Variants in LAMA2 observed in about 807,000 individuals in gnomAD.
The protein encoded by LAMA2 is laminin subunit alpha 2, also known as laminin subunit alpha-2.
Under a neutral mutation model 364.8 loss-of-function variants are expected in LAMA2, and 269 were observed. The observed-to-expected ratio is 0.74, with a 90% CI of 0.67 to 0.82. The LOEUF (loss-of-function observed/expected upper bound fraction) is 0.82, where lower values mean the gene tolerates loss of function less well. Ranked by LOEUF, LAMA2 falls within the 40% of genes least tolerant of loss-of-function variation. The pLI, the probability that LAMA2 is intolerant of heterozygous loss-of-function variation, is 0.00. For synonymous variants in LAMA2, 1,379 were observed against 1,370.6 expected (o/e 1.01, Z -0.14); for missense variants, 3,807 against 3,873.2 (o/e 0.98, Z 0.45).
At chr6:129,171,291 A>G (rs1780134978) in intron 9 of LAMA2, among the ~76,000 whole-genome samples, 1 of 152,210 alleles carries the variant, frequency 6.6e-6, no homozygotes, top group South Asian at 2.1e-4. Context: ...ACAATTTGGC[A>G]TGCTTTTGCA....
At position 129,366,218 on chromosome 6, in the gene LAMA2, G is replaced by C; in HGVS notation, c.4718-1G>C. The C allele has an allele frequency of 6.2e-7, 1 of 1,613,516 alleles. No individual in the cohort carries two copies. The highest frequency in any genetic ancestry group is 8.5e-7 in the Non-Finnish European group (1 of 1,179,920). ...TACTCTTTGTCACTTCTCTTTCACA[G>C]TTTGTGGAGATGAGTGCACTGGCCT... On this transcript the variant is annotated splice_acceptor_variant, in intron 32 of 64. Coordinates refer to ENST00000421865, the MANE Select transcript of LAMA2 (RefSeq NM_000426.4). LOFTEE classifies it high-confidence loss of function.
chr6:129,154,814 A>T (rs1182176924), intron 8 of LAMA2, 131 bp downstream of exon 8: 1 of 758,702 alleles, frequency 1.3e-6, no homozygotes, highest in Non-Finnish European at 2.2e-6. Flanking sequence ...GTAAGTAGGA[A>T]CATTTCGTAG....
chr6:129,063,538 T>C (rs1428116113), intron 3 of LAMA2, among the ~76,000 whole-genome samples: 1 of 152,158 alleles, frequency 6.6e-6, no homozygotes, highest in East Asian at 1.9e-4. Flanking sequence ...AGTAGACTTT[T>C]CAAACACATA....
chr6:129,379,650 C>T (rs886944824), intron 34 of LAMA2, among the ~76,000 whole-genome samples: 1 of 152,132 alleles, frequency 6.6e-6, no homozygotes, highest in African/African-American at 2.4e-5. Context: ...ACCCCACCAG[C>T]GTGGAACTTC....
At position 129,393,214 on chromosome 6, in the gene LAMA2, C is replaced by T. The variant is rs761866721; in HGVS notation, c.5404C>T (p.Arg1802Cys). The T allele has an allele frequency of 1.4e-5, 22 of 1,613,898 alleles. No homozygotes were observed. The highest frequency in any genetic ancestry group is 1.3e-4 in the South Asian group (12 of 91,076). ...EATDKIREAN[R>C]LFAVNQKNMT... ...CACAGATAAAATCAGAGAAGCTAAT[C>T]GCCTATTTGCAGTAAATCAGAAAAA... The change falls in exon 37 of 65, where the codon CGC becomes TGC. Residue 1802 changes from arginine (R) to cysteine (C), a missense_variant. Around this residue, in one of 3 missense-constraint regions of LAMA2, gnomAD observed 3,333 missense variants for 3,345.7 expected, o/e 1.00. Transcript: ENST00000421865.
At chr6:129,365,616 G>A (rs1229215221) in intron 32 of LAMA2, among the ~76,000 whole-genome samples, 1 of 151,786 alleles carries the variant, frequency 6.6e-6, no homozygotes, top group African/African-American at 2.4e-5. Flanking sequence ...ACCCACCTCG[G>A]CCTCTCAAAG....
chr6:129,085,826 T>C (rs568944856), intron 3 of LAMA2, among the ~76,000 whole-genome samples: 1 of 152,290 alleles, frequency 6.6e-6, no homozygotes, highest in East Asian at 1.9e-4. Flanking sequence ...GAGAAGAATT[T>C]GCAGGGTGAT....
In LAMA2 at chr6:129,328,403, G is replaced by A. The variant is rs751624462; in HGVS notation, c.4302G>A (p.Ser1434=). ...GCAGCCTGTGTGACCCTGAAACATC[G>A]ATATGCCAGGTAGTCCTCTGAGCCT... ...GHSSLCDPET[S]ICQNCQHHTA... Residue 1434 remains serine (S), a synonymous_variant, in exon 29 of 65, where the codon TCG becomes TCA. Transcript: ENST00000421865. 8.7e-6 allele frequency: 14 copies of A among 1,614,002 alleles called. No homozygotes were observed. The East Asian group carries it at 1.6e-4, about 18-fold the overall frequency.
chr6:129,202,157 CA>C (rs1343465652), intron 12 of LAMA2, among the ~76,000 whole-genome samples: 1 of 128,902 alleles, frequency 7.8e-6, no homozygotes, highest in Non-Finnish European at 1.6e-5. Context: ...CACTGCACTC[CA>C]GCCTAAGCAA....
At chr6:129,223,554 T>G (rs1784028543) in intron 12 of LAMA2, among the ~76,000 whole-genome samples, 1 of 152,244 alleles carries the variant, frequency 6.6e-6, no homozygotes, top group South Asian at 2.1e-4. Flanking sequence ...TTCAGCTTTC[T>G]ACATATGGCT....
chr6:128,921,733 T>G (rs1778747891), intron 1 of LAMA2, among the ~76,000 whole-genome samples: 1 of 150,816 alleles, frequency 6.6e-6, no homozygotes, highest in Non-Finnish European at 1.5e-5. Flanking sequence ...ATACTTTAAG[T>G]TTTAGGGTAC....
chr6:128,985,121 G>A (rs1275362265), intron 1 of LAMA2, among the ~76,000 whole-genome samples: 1 of 151,878 alleles, frequency 6.6e-6, no homozygotes, highest in Non-Finnish European at 1.5e-5. Flanking sequence ...TTAGATTTAT[G>A]CCCATGATGT....
intron 18 of LAMA2, among the ~76,000 whole-genome samples, chr6:129,280,541 T>C (rs1023067433): frequency 6.6e-6 from 1 of 152,182 alleles, no homozygotes; most frequent in Non-Finnish European, 1.5e-5. Flanking sequence ...GCATAGTTCA[T>C]AGTTCAGCAA....
At chr6:129,291,493 G>A (rs558696779) in intron 19 of LAMA2, 121 bp from the exon 20 acceptor site, 1 of 747,218 alleles carries the variant, frequency 1.3e-6, no homozygotes, top group African/African-American at 1.7e-5. Context: ...TAACAAATCA[G>A]AAAACATTCT....
intron 34 of LAMA2, among the ~76,000 whole-genome samples, chr6:129,374,947 C>T (rs1320204234): frequency 1.3e-5 from 2 of 151,758 alleles, no homozygotes; most frequent in Non-Finnish European, 2.9e-5. Flanking sequence ...TCACTTGATA[C>T]AGTCTTTAGA....
chr6:129,297,689 G>T lies in LAMA2; in HGVS notation c.2861G>T (p.Gly954Val), dbSNP rs1418826565. 6.2e-7 allele frequency: 1 copy of T among 1,613,588 alleles called. No homozygotes were observed. The highest frequency in any genetic ancestry group is 2.2e-5 in the East Asian group (1 of 44,872). ...QGQRCDKCKA[G>V]TFGLQSARGC... ...TCTCTCCTCTTCCATTGCCAGGCTG[G>T]GACCTTTGGCCTACAATCAGCAAGG... The change falls in exon 21 of 65, where the codon GGG becomes GTG. Residue 954 changes from glycine (G) to valine (V), a missense_variant. Physicochemically the swap from Gly to Val is moderately radical, Grantham distance 109. Coordinates refer to ENST00000421865, the MANE Select transcript of LAMA2 (RefSeq NM_000426.4).
chr6:129,357,876 G>A (rs1382567798), intron 32 of LAMA2, among the ~76,000 whole-genome samples: 9 of 151,934 alleles, frequency 5.9e-5, no homozygotes, highest in Non-Finnish European at 8.8e-5. Flanking sequence ...ATAGAATGTG[G>A]TTATCACTGT....
intron 4 of LAMA2, among the ~76,000 whole-genome samples, chr6:129,105,405 G>A (rs1775762614): frequency 6.6e-6 from 1 of 152,120 alleles, no homozygotes; most frequent in Non-Finnish European, 1.5e-5. Context: ...GCTTTACTTG[G>A]AAATCACCTA....
At chr6:129,212,221 G>T (rs1239802815) in intron 12 of LAMA2, among the ~76,000 whole-genome samples, 1 of 152,130 alleles carries the variant, frequency 6.6e-6, no homozygotes, top group Admixed American at 6.5e-5. Context: ...CATTGTGTGG[G>T]TAAAAGTCTT....
Sources: gnomAD v4.1 joint callset for allele counts (sites outside exome capture counted in the v4.1 genomes callset) on GRCh38, gnomAD v4.1.1 for gene constraint, gnomAD v4.1.1 regional missense constraint, MANE v1.5 for transcripts, NCBI Gene and HGNC (gene_info 2026-07-23, HGNC 2026-07-21) for gene names.